MED12L: variants seen among roughly 807,000 people sequenced by gnomAD.
MED12L encodes mediator complex subunit 12L, also known as mediator of RNA polymerase II transcription subunit 12-like protein.
MED12L carries 60 observed loss-of-function variants against 281.3 expected under a neutral mutation model. That is an observed-to-expected ratio of 0.21 (90% CI 0.17 to 0.26). The LOEUF is 0.26. Among genes scored for constraint, MED12L ranks in the 10% least tolerant of loss-of-function variants. MED12L has a pLI of 1.00. For missense variants in MED12L, 2,146 were observed against 2,680.9 expected (o/e 0.80, Z 4.41); for synonymous variants, 974 against 987.2 (o/e 0.99, Z 0.25).
intron 42 of MED12L, among the ~76,000 whole-genome samples, chr3:151,414,584 G>A (rs773179007): frequency 1.3e-5 from 2 of 152,166 alleles, no homozygotes; most frequent in Non-Finnish European, 2.9e-5. Flanking sequence ...CAAAATTCTG[G>A]TTGGTAGTGC....
intron 11 of MED12L, among the ~76,000 whole-genome samples, chr3:151,167,356 G>T (rs751477235): frequency 2.6e-5 from 4 of 152,178 alleles, no homozygotes; most frequent in Non-Finnish European, 5.9e-5. Context: ...CACTAGGACT[G>T]CAGAGTTAAG....
chr3:151,223,448 T>C, intron 16 of MED12L, among the ~76,000 whole-genome samples: 1 of 152,222 alleles, frequency 6.6e-6, no homozygotes, highest in East Asian at 1.9e-4. Context: ...CCTAGGTGCC[T>C]ATCAATGATG....
chr3:151,326,575 C>T (rs1749622020), intron 16 of MED12L: 1 of 151,990 alleles, frequency 6.6e-6, no homozygotes, highest in Admixed American at 6.6e-5. Context: ...TCCAAGTGTA[C>T]CAGGGGGAAA....
chr3:151,214,229 A>G, intron 16 of MED12L: 1 of 1,613,940 alleles, frequency 6.2e-7, no homozygotes, highest in Non-Finnish European at 8.5e-7. Flanking sequence ...AAGACCATAC[A>G]GTACAGCACA....
Position 151,117,857 on chromosome 3 carries a change from G to A in MED12L, c.204+1415G>A, listed in dbSNP as rs1046769204. Reference sequence around the variant, plus strand: ...TGTAATCCCAGCACTTGGGGAGGCCGAGGCAGGAGGATCACCTGAGGTCAG... The same window carrying A: ...TGTAATCCCAGCACTTGGGGAGGCCAAGGCAGGAGGATCACCTGAGGTCAG... On this transcript the variant is annotated intron_variant, in intron 3 of 44. Transcript: ENST00000687756. 7.9e-5 allele frequency among the ~76,000 whole-genome samples: 12 copies of A among 152,148 alleles called. No homozygotes were observed. The South Asian group carries it at 1.5e-3, about 18-fold the overall frequency.
At chr3:151,334,207 T>TG (rs1386444221) in intron 16 of MED12L, among the ~76,000 whole-genome samples, 2 of 142,600 alleles carry the variant, frequency 1.4e-5, no homozygotes, top group Non-Finnish European at 3.0e-5. Context: ...TTTTTTTTTT[T>TG]GCCATTTCTA....
At chr3:151,284,702 G>A (rs1383053822) in intron 16 of MED12L, among the ~76,000 whole-genome samples, 3 of 152,112 alleles carry the variant, frequency 2.0e-5, no homozygotes, top group Non-Finnish European at 4.4e-5. Flanking sequence ...TCCGCCTCCC[G>A]GGTTCTGGTG....
intron 13 of MED12L, among the ~76,000 whole-genome samples, chr3:151,190,275 G>A (rs778271585): frequency 2.6e-5 from 4 of 151,668 alleles, no homozygotes; most frequent in South Asian, 2.1e-4. Flanking sequence ...GGGTTCAAGC[G>A]ATTCTCCTGC....
intron 16 of MED12L, among the ~76,000 whole-genome samples, chr3:151,224,900 AG>A (rs1302709420): frequency 1.3e-5 from 2 of 152,146 alleles, no homozygotes; most frequent in African/African-American, 2.4e-5. Flanking sequence ...TCCTTTGCCA[AG>A]GCCGTTTGTT....
At chr3:151,161,859 T>TTGGAGACATCTGGCAAGAAGA (rs546693964) in intron 8 of MED12L, among the ~76,000 whole-genome samples, 56 of 152,290 alleles carry the variant, frequency 3.7e-4, no homozygotes, top group African/African-American at 1.3e-3. Context: ...GTGTAGAGTA[T>TTGGAGACATCTGGCAAGAAGA]TGGAGACATC....
chr3:151,205,620 G>C (rs2149178150), intron 16 of MED12L, among the ~76,000 whole-genome samples: 1 of 152,272 alleles, frequency 6.6e-6, no homozygotes, highest in East Asian at 1.9e-4. Flanking sequence ...GCACAGGTCT[G>C]AGGACTTGTT....
intron 21 of MED12L, among the ~76,000 whole-genome samples, chr3:151,364,734 AAC>A (rs1436930025): frequency 6.6e-6 from 1 of 152,194 alleles, no homozygotes; most frequent in African/African-American, 2.4e-5. Context: ...TAAGATTTAT[AAC>A]CAAATACTTC....
intron 16 of MED12L, among the ~76,000 whole-genome samples, chr3:151,263,305 T>A (rs1739245725): frequency 6.6e-6 from 1 of 152,090 alleles, no homozygotes; most frequent in African/African-American, 2.4e-5. Context: ...CTCCCCAGAG[T>A]GTCTTAAACT....
At chr3:151,424,350 A>G (rs914372449) in intron 43 of MED12L, among the ~76,000 whole-genome samples, 3 of 152,204 alleles carry the variant, frequency 2.0e-5, no homozygotes, top group Non-Finnish European at 4.4e-5. Context: ...GCCGGATGCA[A>G]TGGCTCACGC....
At chr3:151,132,928 A>G (rs1576795385) in intron 5 of MED12L, among the ~76,000 whole-genome samples, 1 of 152,272 alleles carries the variant, frequency 6.6e-6, no homozygotes, top group African/African-American at 2.4e-5. Flanking sequence ...AGCAAGGGAT[A>G]CAGCCAAGGG....
chr3:151,279,709 T>C (rs1422482762), intron 16 of MED12L, among the ~76,000 whole-genome samples: 1 of 152,208 alleles, frequency 6.6e-6, no homozygotes, highest in East Asian at 1.9e-4. Context: ...CAAGTGGATG[T>C]GAGGAGGAGC....
intron 20 of MED12L, 90 bp from the exon 21 acceptor site, chr3:151,360,384 A>G: frequency 8.4e-7 from 1 of 1,183,708 alleles, no homozygotes; most frequent in African/African-American, 1.5e-5. Flanking sequence ...TTCTTACCCA[A>G]GTGATACATA....
At chr3:151,350,429 TATTTTATTA>T (rs1447237712) in intron 17 of MED12L, among the ~76,000 whole-genome samples, 1 of 152,064 alleles carries the variant, frequency 6.6e-6, no homozygotes, top group African/African-American at 2.4e-5. Context: ...TATTAAATAT[TATTTTATTA>T]AAATATTGTA....
At chr3:151,280,200 A>T (rs1440618181) in intron 16 of MED12L, among the ~76,000 whole-genome samples, 1 of 152,158 alleles carries the variant, frequency 6.6e-6, no homozygotes, top group Non-Finnish European at 1.5e-5. Context: ...GAGTAGAGGG[A>T]GTATGGAGAA....
Sources: allele counts gnomAD v4.1 joint callset (sites outside exome capture counted in the v4.1 genomes callset), GRCh38; gene constraint gnomAD v4.1.1; transcripts MANE v1.5; gene names NCBI Gene and HGNC (gene_info 2026-07-23, HGNC 2026-07-21).